VCL: variants seen among roughly 807,000 people sequenced by gnomAD.
VCL encodes vinculin.
In VCL, 47 loss-of-function variants were observed where a neutral mutation model predicts 125.7. The ratio of observed to expected loss-of-function variants is 0.37; its 90% CI spans 0.30 to 0.48. The LOEUF (loss-of-function observed/expected upper bound fraction) is 0.48. Among genes scored for constraint, VCL ranks in the 20% least tolerant of loss-of-function variants. The pLI is 0.99. For missense variants in VCL, 1,069 were observed against 1,455.5 expected (o/e 0.73, Z 4.32); for synonymous variants, 458 against 514.6 (o/e 0.89, Z 1.49).
Position 74,116,117 on chromosome 10 carries a change from C to G in VCL, c.3258+1218C>G, listed in dbSNP as rs573630921. ...AAAAATTAAGAGACACAATTCCCCC[C>G]ACCCAACGTGGGGAACTCAAAAATA... On this transcript the variant is annotated intron_variant, in intron 21 of 21. Coordinates refer to ENST00000211998, the MANE Select transcript of VCL (RefSeq NM_014000.3). Among the ~76,000 whole-genome samples, 3 of 152,314 alleles carry G rather than the reference C, an allele frequency of 2.0e-5. No individual in the cohort carries two copies. The South Asian group carries it at 6.2e-4, about 32-fold the overall frequency.
chr10:74,023,627 C>T (rs11000853), intron 1 of VCL, among the ~76,000 whole-genome samples: 51,349 of 152,010 alleles, frequency 0.34, 10,530 homozygotes, highest in Non-Finnish European at 0.47. Context: ...TTTGGTTGTC[C>T]GTGGCAACTG....
intron 7 of VCL, 141 bp downstream of exon 7, chr10:74,082,685 T>C: frequency 1.1e-6 from 1 of 884,642 alleles, no homozygotes; most frequent in Admixed American, 2.0e-5. Flanking sequence ...ATCTGATAGT[T>C]CTGAGTAACT....
At chr10:74,040,882 G>A (rs747933288) in intron 1 of VCL, among the ~76,000 whole-genome samples, 1 of 152,160 alleles carries the variant, frequency 6.6e-6, no homozygotes, top group Non-Finnish European at 1.5e-5. Context: ...TTGAGACAGG[G>A]TCTTGCCCTG....
chr10:74,070,856 A>T, intron 3 of VCL, 36 bp downstream of exon 3: 1 of 1,613,434 alleles, frequency 6.2e-7, no homozygotes, highest in Non-Finnish European at 8.5e-7. Context: ...ACTCTTGAAG[A>T]TAATAATGGA....
intron 2 of VCL, among the ~76,000 whole-genome samples, chr10:74,045,267 A>ATAGC (rs1841178427): frequency 7.2e-6 from 1 of 139,806 alleles, no homozygotes; most frequent in Non-Finnish European, 1.5e-5. Context: ...AGAGAGACGG[A>ATAGC]TAGATAGATA....
At chr10:74,117,357 A>G (rs1199724124) in intron 21 of VCL, among the ~76,000 whole-genome samples, 1 of 152,210 alleles carries the variant, frequency 6.6e-6, no homozygotes, top group African/African-American at 2.4e-5. Context: ...GGTTCAATGG[A>G]AAAAATAAGG....
intron 10 of VCL, among the ~76,000 whole-genome samples, chr10:74,092,553 C>T (rs1025819488): frequency 2.6e-5 from 4 of 152,112 alleles, no homozygotes; most frequent in Non-Finnish European, 4.4e-5. Flanking sequence ...ACCTCTTAGT[C>T]GCTGTGTGGG....
chr10:74,066,063 T>TATATA (rs1297685805), intron 2 of VCL, among the ~76,000 whole-genome samples: 7 of 95,648 alleles, frequency 7.3e-5, no homozygotes, highest in South Asian at 5.4e-4. Context: ...ATATATATAT[T>TATATA]TTTTTTTTTT....
At chr10:74,040,041 T>C (rs1841063788) in intron 1 of VCL, among the ~76,000 whole-genome samples, 1 of 152,182 alleles carries the variant, frequency 6.6e-6, no homozygotes, top group East Asian at 1.9e-4. Flanking sequence ...TCCCCCTAGA[T>C]TGTTCTTGCC....
chr10:74,095,739 G>T lies in VCL; in HGVS notation c.1627G>T (p.Ala543Ser), dbSNP rs745748680. The T allele has an allele frequency of 6.2e-7, 1 of 1,614,140 alleles. No individual in the cohort carries two copies. The highest frequency in any genetic ancestry group is 1.1e-5 in the South Asian group (1 of 91,078). The stretch of plus-strand genomic sequence containing the variant: ...GGGGCCTTATCGGCAAGATCTTCTC[G>T]CCAAGTGTGACCGAGTGGACCAGCT... ...MMGPYRQDLLAKCDRVDQLTA... is the reference protein window; with the variant it reads ...MMGPYRQDLLSKCDRVDQLTA... Residue 543 changes from alanine (A) to serine (S), a missense_variant, in exon 12 of 22, where the codon GCC becomes TCC. Ala to Ser is a moderately conservative substitution (Grantham distance 99). Around this residue, in one of 6 missense-constraint regions of VCL, gnomAD observed 760 missense variants for 928.9 expected, o/e 0.82. Coordinates refer to ENST00000211998, the MANE Select transcript of VCL (RefSeq NM_014000.3).
intron 10 of VCL, among the ~76,000 whole-genome samples, chr10:74,092,318 T>C (rs922490053): frequency 6.6e-6 from 1 of 152,190 alleles, no homozygotes; most frequent in Non-Finnish European, 1.5e-5. Context: ...ATTTTTATAA[T>C]GGTTAGAATT....
At chr10:74,025,167 C>T (rs1840748083) in intron 1 of VCL, among the ~76,000 whole-genome samples, 1 of 152,162 alleles carries the variant, frequency 6.6e-6, no homozygotes, top group African/African-American at 2.4e-5. Context: ...CAGGTGTGCA[C>T]CACCATGCCT....
chr10:74,061,839 C>T (rs183727798), intron 2 of VCL, among the ~76,000 whole-genome samples: 30 of 151,018 alleles, frequency 2.0e-4, no homozygotes, highest in Admixed American at 5.3e-4. Flanking sequence ...ACATATCTTT[C>T]GTATCTAGTT....
chr10:74,110,164 T>G (rs1486750525), intron 18 of VCL, among the ~76,000 whole-genome samples: 2 of 152,226 alleles, frequency 1.3e-5, no homozygotes, highest in Non-Finnish European at 2.9e-5. Flanking sequence ...GAATTATTTA[T>G]AATGGTATCT....
intron 1 of VCL, among the ~76,000 whole-genome samples, chr10:74,041,346 T>C (rs1056428299): frequency 2.6e-5 from 4 of 152,184 alleles, no homozygotes; most frequent in African/African-American, 9.6e-5. Context: ...CCATTTACTA[T>C]ATTAAAGTTT....
In VCL at chr10:74,072,841, T is replaced by C; in HGVS notation, c.611T>C (p.Val204Ala). Residue 204 changes from valine to alanine, a missense_variant, in exon 5 of 22, where the codon GTT becomes GCT. By Grantham distance (64) the Val-to-Ala change is moderately conservative. Coordinates refer to ENST00000211998, the MANE Select transcript of VCL (RefSeq NM_014000.3). ...AACACCGTGAAAGAGTTGCTGCCAG[T>C]TCTCATTTCAGGTACTTCCTGCCTG... ...SMNTVKELLP[V>A]LISAMKIFVT... 6.2e-7 allele frequency: 1 copy of C among 1,614,172 alleles called. No individual in the cohort carries two copies. The highest frequency in any genetic ancestry group is 2.2e-5 in the East Asian group (1 of 44,882).
rs768692845 is a variant in VCL, at chr10:74,074,866, A to G, written c.746A>G (p.Gln249Arg). 2 of 1,614,170 alleles carry G rather than the reference A, an allele frequency of 1.2e-6. No individual in the cohort carries two copies. The highest frequency in any genetic ancestry group is 1.7e-6 in the Non-Finnish European group (2 of 1,180,020). The change falls in exon 6 of 22, where the codon CAA becomes CGA. Residue 249 changes from glutamine (Q) to arginine (R), a missense_variant. Gln to Arg is a conservative substitution (Grantham distance 43). Around this residue, in one of 6 missense-constraint regions of VCL, gnomAD observed 760 missense variants for 928.9 expected, o/e 0.82. Coordinates refer to ENST00000211998, the MANE Select transcript of VCL (RefSeq NM_014000.3). ...ATTAATGAGATAATTCGTGTGTTAC[A>G]ACTCACCTCTTGGGATGAAGATGCC... Reference protein sequence around the residue: ...AEINEIIRVLQLTSWDEDAWA... With the variant: ...AEINEIIRVLRLTSWDEDAWA...
chr10:74,044,110 C>CA (rs531942200), intron 2 of VCL, among the ~76,000 whole-genome samples: 4,308 of 138,126 alleles, frequency 0.031, 205 homozygotes, highest in African/African-American at 0.11. Context: ...GACTCTGTCT[C>CA]AAAAAAAAAA....
chr10:74,021,462 C>T (rs756041626), intron 1 of VCL, among the ~76,000 whole-genome samples: 25 of 152,160 alleles, frequency 1.6e-4, no homozygotes, highest in Middle Eastern at 3.4e-3. Flanking sequence ...TTAAAACTTC[C>T]GAAGGCAATG....
Sources: allele counts gnomAD v4.1 joint callset (sites outside exome capture counted in the v4.1 genomes callset), GRCh38; gene constraint gnomAD v4.1.1; regional missense constraint gnomAD v4.1.1; transcripts MANE v1.5; gene names NCBI Gene and HGNC (gene_info 2026-07-23, HGNC 2026-07-21).